The following TTYH2 variants were observed in gnomAD, a reference collection of about 807,000 sequenced individuals.
The protein encoded by TTYH2 is tweety family member 2.
TTYH2 carries 49 observed loss-of-function variants against 68.3 expected under a neutral mutation model. That is an observed-to-expected ratio of 0.72 (90% CI 0.57 to 0.91). The LOEUF (loss-of-function observed/expected upper bound fraction) is 0.91. Among genes scored for constraint, TTYH2 ranks in the 40% least tolerant of loss-of-function variants. The pLI, the probability that TTYH2 is intolerant of heterozygous loss-of-function variation, is 0.00. For missense variants in TTYH2, 631 were observed against 700.4 expected (o/e 0.90, Z 1.12); for synonymous variants, 272 against 300.8 (o/e 0.90, Z 0.99).
Position 74,222,424 on chromosome 17 carries a change from C to T in TTYH2, c.130-61C>T, listed in dbSNP as rs2050284400. 6.6e-7 allele frequency: 1 copy of T among 1,521,656 alleles called. No homozygotes were observed. The highest frequency in any genetic ancestry group is 1.4e-5 in the African/African-American group (1 of 72,940). The allele number at this position is 1,521,656 out of a possible 1,614,324, so 94.3% of individuals were successfully genotyped here. ...GGGCACTCAGGGCCCAAGGGCAGGG[C>T]ACTTCCAGAGCCCCGCACTGCAGGG... On this transcript the variant is annotated intron_variant, in intron 1 of 13. Coordinates refer to ENST00000269346, the MANE Select transcript of TTYH2 (RefSeq NM_032646.6). The surrounding 1 kb of genome is among the most constrained non-coding windows in gnomAD (Gnocchi z 5.2).
At chr17:74,236,361 T>C (rs551893535) in intron 3 of TTYH2, among the ~76,000 whole-genome samples, 1 of 152,390 alleles carries the variant, frequency 6.6e-6, no homozygotes, top group South Asian at 2.1e-4. Context: ...TTAGAAATCC[T>C]ATTGTGGGGA....
chr17:74,257,638 A>G lies in TTYH2; in HGVS notation c.1525-2491A>G, dbSNP rs116917022. ...GGATATACAGCCTGTCCCTTGCTGG[A>G]AATGTTTCTTCCCCCAGCTCTGCCT... On this transcript the variant is annotated intron_variant, in intron 13 of 13. Transcript: ENST00000269346. Among the ~76,000 whole-genome samples the G allele has an allele frequency of 1.1e-3, 165 of 152,256 alleles. 1 individual carries two copies. The East Asian group carries it at 0.014, about 13-fold the overall frequency.
At chr17:74,219,552 G>A (rs138555161) in intron 1 of TTYH2, among the ~76,000 whole-genome samples, 12 of 152,048 alleles carry the variant, frequency 7.9e-5, no homozygotes, top group Non-Finnish European at 1.5e-4. Context: ...AGCCCCCTTC[G>A]TGCTCTCTTG....
chr17:74,253,238 A>G lies in TTYH2; in HGVS notation c.1417A>G (p.Ile473Val). 1 of 1,606,954 alleles carries G rather than the reference A, an allele frequency of 6.2e-7. No homozygotes were observed. The highest frequency in any genetic ancestry group is 8.5e-7 in the Non-Finnish European group (1 of 1,177,386). The change falls in exon 12 of 14, where the codon ATC (isoleucine) becomes GTC (valine). Residue 473 changes from isoleucine (I) to valine (V), a missense_variant. Ile to Val is a conservative substitution (Grantham distance 29). Transcript: ENST00000269346. ...QTSLQPPAQT[I>V]SNAPVSEYMN... ...CAGCCTGCAGCCCCCGGCCCAGACC[A>G]TCTCCAACGCCCCTGTCTCCGAGTA...
chr17:74,226,931 G>A (rs374855564), intron 2 of TTYH2, among the ~76,000 whole-genome samples: 14 of 152,126 alleles, frequency 9.2e-5, no homozygotes, highest in African/African-American at 2.9e-4. Context: ...CAGCCAAGGC[G>A]ATTTTTCTTT....
At chr17:74,246,575 G>T (rs1363474834) in intron 6 of TTYH2, among the ~76,000 whole-genome samples, 1 of 152,106 alleles carries the variant, frequency 6.6e-6, no homozygotes, top group Admixed American at 6.6e-5. Flanking sequence ...GCCATCACCT[G>T]GGCTGGTTAC....
intron 2 of TTYH2, among the ~76,000 whole-genome samples, chr17:74,223,244 G>T (rs1598214649): frequency 7.0e-6 from 1 of 143,124 alleles, no homozygotes; most frequent in Non-Finnish European, 1.5e-5. Context: ...AAGTGGCTGG[G>T]ACTACAGGTG....
intron 11 of TTYH2, among the ~76,000 whole-genome samples, chr17:74,252,722 CAAG>C (rs1171784844): frequency 6.6e-6 from 1 of 152,190 alleles, no homozygotes; most frequent in Non-Finnish European, 1.5e-5. Flanking sequence ...CCAGGAATAG[CAAG>C]AAGGATACAT....
chr17:74,238,576 T>G (rs1013229632), intron 4 of TTYH2, among the ~76,000 whole-genome samples: 44 of 152,164 alleles, frequency 2.9e-4, no homozygotes, highest in African/African-American at 9.4e-4. Context: ...TAAAAAAATT[T>G]TTTTTTGCAG....
intron 2 of TTYH2, among the ~76,000 whole-genome samples, chr17:74,226,497 C>T (rs1598216449): frequency 6.6e-6 from 1 of 152,258 alleles, no homozygotes; most frequent in East Asian, 1.9e-4. Flanking sequence ...CATTGGTCGC[C>T]TTCCTTGGAG....
chr17:74,222,429 C>T lies in TTYH2; in HGVS notation c.130-56C>T. On this transcript the variant is annotated intron_variant, in intron 1 of 13. Coordinates refer to ENST00000269346, the MANE Select transcript of TTYH2 (RefSeq NM_032646.6). The surrounding 1 kb of genome is among the most constrained non-coding windows in gnomAD (Gnocchi z 5.2). ...CTCAGGGCCCAAGGGCAGGGCACTT[C>T]CAGAGCCCCGCACTGCAGGGATGAA... 1 of 1,529,196 alleles carries T rather than the reference C, an allele frequency of 6.5e-7. No homozygotes were observed. The highest frequency in any genetic ancestry group is 1.2e-5 in the South Asian group (1 of 80,398). The allele number at this position is 1,529,196 out of a possible 1,614,324, so 94.7% of individuals were successfully genotyped here.
intron 2 of TTYH2, among the ~76,000 whole-genome samples, chr17:74,227,435 A>G (rs2050341512): frequency 6.6e-6 from 1 of 152,214 alleles, no homozygotes; most frequent in African/African-American, 2.4e-5. Context: ...GGATGAACAC[A>G]AGGAGTCGAC....
At chr17:74,255,203 T>C (rs1047181256) in intron 13 of TTYH2, among the ~76,000 whole-genome samples, 9 of 152,248 alleles carry the variant, frequency 5.9e-5, no homozygotes, top group African/African-American at 2.2e-4. Flanking sequence ...AGCTCATGGC[T>C]TATGGCCTCT....
intron 3 of TTYH2, 26 bp downstream of exon 3, chr17:74,231,025 G>GT: frequency 6.2e-7 from 1 of 1,605,962 alleles, no homozygotes; most frequent in African/African-American, 1.3e-5. Flanking sequence ...AGCTGGCCGG[G>GT]TACAGGCACA....
At chr17:74,229,413 C>T (rs1236605825) in intron 2 of TTYH2, among the ~76,000 whole-genome samples, 1 of 152,046 alleles carries the variant, frequency 6.6e-6, no homozygotes, top group Non-Finnish European at 1.5e-5. Flanking sequence ...TCCTATTGCC[C>T]AAATAAAATG....
At chr17:74,237,175 CA>C (rs1659210481) in intron 3 of TTYH2, 118 bp from the exon 4 acceptor site, 2 of 976,434 alleles carry the variant, frequency 2.0e-6, no homozygotes, top group South Asian at 3.0e-5. Context: ...GCTGGGATGA[CA>C]GGCATGAGCG....
intron 13 of TTYH2, among the ~76,000 whole-genome samples, chr17:74,257,195 G>A (rs35633973): frequency 2.4e-3 from 371 of 152,338 alleles, no homozygotes; most frequent in Non-Finnish European, 3.6e-3. Flanking sequence ...TCATCCTGCC[G>A]TTAGCAGAGA....
At chr17:74,246,550 C>G (rs1567818536) in intron 6 of TTYH2, among the ~76,000 whole-genome samples, 1 of 152,150 alleles carries the variant, frequency 6.6e-6, no homozygotes, top group Non-Finnish European at 1.5e-5. Context: ...TTCTCAGGAG[C>G]TGCCTGCAGG....
rs575430926 is a variant in TTYH2, at chr17:74,239,921, C to T, written c.635+2407C>T. Among the ~76,000 whole-genome samples the T allele has an allele frequency of 7.7e-4, 117 of 152,246 alleles. No individual in the cohort carries two copies. The highest frequency in any genetic ancestry group is 1.6e-3 in the Non-Finnish European group (106 of 68,050). ...CAGGACCCATTTTAACGTCACTCTT[C>T]TCTGAGCACACCTAGCAGAGGACTG... On this transcript the variant is annotated intron_variant, in intron 4 of 13. Transcript: ENST00000269346. This position sits in a 1 kb window ranked among gnomAD's most constrained non-coding sequence, Gnocchi z 5.3.
Sources: allele counts gnomAD v4.1 joint callset (sites outside exome capture counted in the v4.1 genomes callset), GRCh38; gene constraint gnomAD v4.1.1; non-coding constraint Gnocchi (gnomAD v3.1); transcripts MANE v1.5; gene names NCBI Gene and HGNC (gene_info 2026-07-23, HGNC 2026-07-21).